PDE4D: variants seen among roughly 807,000 people sequenced by gnomAD.
PDE4D encodes phosphodiesterase 4D, also known as 3',5'-cyclic-AMP phosphodiesterase 4D.
Under a neutral mutation model 87.4 loss-of-function variants are expected in PDE4D, and 24 were observed. That is an observed-to-expected ratio of 0.27 (90% CI 0.20 to 0.39). The LOEUF is 0.39. Among genes scored for constraint, PDE4D ranks in the 10% least tolerant of loss-of-function variants. PDE4D has a pLI of 1.00. For synonymous variants in PDE4D, 384 were observed against 383.2 expected, an observed-to-expected ratio of 1.00 and a Z score of -0.02; for missense variants, 714 against 1,041.0, an observed-to-expected ratio of 0.69 and a Z score of 4.32.
chr5:59,396,444 A>G (rs1189244795), intron 1 of PDE4D, among the ~76,000 whole-genome samples: 1 of 97,962 alleles, frequency 1.0e-5, no homozygotes, highest in Non-Finnish European at 2.0e-5. Flanking sequence ...TCTTAAAGAA[A>G]AGAATTCTCA....
intron 1 of PDE4D, among the ~76,000 whole-genome samples, chr5:59,462,606 C>T (rs1230631569): frequency 6.6e-6 from 1 of 152,086 alleles, no homozygotes; most frequent in African/African-American, 2.4e-5. Flanking sequence ...CTTTTCTGGC[C>T]ACAGATGGAG....
chr5:60,322,643 T>G (rs2149844460), intron 1 of PDE4D, among the ~76,000 whole-genome samples: 1 of 152,292 alleles, frequency 6.6e-6, no homozygotes, highest in Middle Eastern at 3.4e-3. Flanking sequence ...CCGTTACCTA[T>G]TTTCTCTCTG....
At chr5:60,152,358 T>C (rs1781580114) in intron 2 of PDE4D, among the ~76,000 whole-genome samples, 2 of 152,082 alleles carry the variant, frequency 1.3e-5, no homozygotes, top group Admixed American at 6.6e-5. Context: ...TTTGGTAGAA[T>C]TTACCAATGA....
intron 9 of PDE4D, 106 bp from the exon 10 acceptor site, chr5:58,990,025 C>A: frequency 1.5e-6 from 1 of 683,388 alleles, no homozygotes; most frequent in Non-Finnish European, 2.5e-6. Flanking sequence ...CAGTGGATAA[C>A]CTGGAAATGG....
chr5:59,809,811 A>G (rs1002579653), intron 1 of PDE4D, among the ~76,000 whole-genome samples: 2 of 152,190 alleles, frequency 1.3e-5, no homozygotes, highest in African/African-American at 4.8e-5. Flanking sequence ...CCTGACTTAG[A>G]TTCAGAGTCA....
In PDE4D at chr5:59,506,533, C is replaced by G. The variant is rs959928992; in HGVS notation, c.456-290565G>C. Among the ~76,000 whole-genome samples the G allele has an allele frequency of 3.9e-5, 6 of 151,994 alleles. No homozygotes were observed. In the East Asian group the frequency reaches 1.2e-3, roughly 29 times the overall value. On this transcript the variant is annotated intron_variant, in intron 1 of 14. Coordinates refer to ENST00000340635, the MANE Select transcript of PDE4D (RefSeq NM_001104631.2). ...AAATTAAAAGTTGACTTCAAGAGTA[C>G]TGAAAAATTATTTTAATAAAAATTT...
intron 1 of PDE4D, chr5:60,430,283 G>A (rs200374833): frequency 6.0e-5 from 29 of 486,966 alleles, no homozygotes; most frequent in Middle Eastern, 3.3e-4. Context: ...CCATTCTGCC[G>A]GGCCCAAGTT....
chr5:59,843,660 A>T (rs2152709924), intron 1 of PDE4D, among the ~76,000 whole-genome samples: 2 of 152,196 alleles, frequency 1.3e-5, no homozygotes, highest in South Asian at 4.1e-4. Context: ...CAAGCTGCCT[A>T]TGTTTATAAC....
chr5:59,674,551 G>C (rs1055427190), intron 1 of PDE4D, among the ~76,000 whole-genome samples: 2 of 152,102 alleles, frequency 1.3e-5, no homozygotes, highest in African/African-American at 2.4e-5. Flanking sequence ...CCTTTTCTGA[G>C]ATACTCTCTC....
intron 1 of PDE4D, among the ~76,000 whole-genome samples, chr5:59,634,573 T>C (rs900135865): frequency 6.6e-6 from 1 of 152,118 alleles, no homozygotes; most frequent in Non-Finnish European, 1.5e-5. Context: ...GAACTCAGGA[T>C]TAAGAACTAA....
intron 1 of PDE4D, among the ~76,000 whole-genome samples, chr5:60,486,476 ACTTTT>A (rs772844874): frequency 9.8e-5 from 15 of 152,332 alleles, no homozygotes; most frequent in Non-Finnish European, 1.5e-4. Context: ...TACGTTGGCT[ACTTTT>A]CTTTCTTTCT....
At chr5:60,390,680 G>A (rs1762501981) in intron 1 of PDE4D, among the ~76,000 whole-genome samples, 1 of 151,346 alleles carries the variant, frequency 6.6e-6, no homozygotes, top group African/African-American at 2.4e-5. Flanking sequence ...CACCAGCTGA[G>A]GAGAAAATCT....
At chr5:60,215,343 G>A (rs1743739642) in intron 1 of PDE4D, among the ~76,000 whole-genome samples, 1 of 151,950 alleles carries the variant, frequency 6.6e-6, no homozygotes, top group Non-Finnish European at 1.5e-5. Context: ...ACTTGCAATG[G>A]GATAAAAAAC....
chr5:60,256,875 T>C (rs1191144242), intron 1 of PDE4D, among the ~76,000 whole-genome samples: 1 of 151,946 alleles, frequency 6.6e-6, no homozygotes, highest in East Asian at 1.9e-4. Context: ...TGTTTAACAA[T>C]ATTATAGAAT....
intron 2 of PDE4D, among the ~76,000 whole-genome samples, chr5:60,079,552 A>G (rs1311695760): frequency 6.6e-6 from 1 of 152,186 alleles, no homozygotes; most frequent in South Asian, 2.1e-4. Context: ...TAAATTTTGT[A>G]TAAGGTATAA....
chr5:60,374,566 A>G (rs1761285655), intron 1 of PDE4D, among the ~76,000 whole-genome samples: 1 of 152,198 alleles, frequency 6.6e-6, no homozygotes, highest in African/African-American at 2.4e-5. Context: ...TCTATTCAAC[A>G]GTGCTTTCAT....
At chr5:60,473,000 C>A (rs1009489897) in intron 1 of PDE4D, among the ~76,000 whole-genome samples, 1 of 150,970 alleles carries the variant, frequency 6.6e-6, no homozygotes, top group Non-Finnish European at 1.5e-5. Context: ...TGGGACATAA[C>A]CCTATCATAA....
chr5:59,172,850 G>T (rs973580631), intron 5 of PDE4D: 1 of 151,976 alleles, frequency 6.6e-6, no homozygotes, highest in African/African-American at 2.4e-5. Context: ...CAGAGCGTAT[G>T]CATGCCATAT....
chr5:59,002,152 T>C (rs1450638633), intron 6 of PDE4D: 1 of 443,604 alleles, frequency 2.3e-6, no homozygotes, highest in Non-Finnish European at 4.5e-6. Context: ...AACTCCCTCA[T>C]TTCCACATAA....
Sources: allele counts gnomAD v4.1 joint callset (sites outside exome capture counted in the v4.1 genomes callset), GRCh38; gene constraint gnomAD v4.1.1; transcripts MANE v1.5; gene names NCBI Gene and HGNC (gene_info 2026-07-23, HGNC 2026-07-21).